The following C1QTNF3 variants were observed in gnomAD, a reference collection of about 807,000 sequenced individuals.
The protein encoded by C1QTNF3 is complement C1q tumor necrosis factor-related protein 3.
A neutral mutation model predicts 32.6 loss-of-function variants in C1QTNF3; 26 were observed. The ratio of observed to expected loss-of-function variants is 0.80; its 90% CI spans 0.58 to 1.11. The LOEUF is 1.11. Ranked by LOEUF, C1QTNF3 falls within the 50% of genes least tolerant of loss-of-function variation. The pLI is 0.00. For synonymous variants in C1QTNF3, 155 were observed against 146.0 expected (o/e 1.06, Z -0.44); for missense variants, 362 against 398.2 (o/e 0.91, Z 0.77).
upstream of C1QTNF3, among the ~76,000 whole-genome samples, chr5:34,047,485 T>C (rs1460157327): frequency 6.6e-6 from 1 of 152,174 alleles, no homozygotes; most frequent in Non-Finnish European, 1.5e-5. Flanking sequence ...CAAGGGACAG[T>C]CAAGAACTGT....
chr5:34,141,939 G>C, the C1QTNF3 span, among the ~76,000 whole-genome samples: 2 of 152,058 alleles, frequency 1.3e-5, no homozygotes, highest in Admixed American at 1.3e-4. Context: ...TCAGCATGCA[G>C]CTTGGGAGTG....
the C1QTNF3 span, among the ~76,000 whole-genome samples, chr5:34,172,711 G>A: frequency 1.3e-5 from 2 of 152,168 alleles, no homozygotes; most frequent in Non-Finnish European, 2.9e-5. Flanking sequence ...TGAAGTGAAT[G>A]ATATCATGTA....
intron 5 of C1QTNF3, among the ~76,000 whole-genome samples, chr5:34,021,665 C>A (rs574549209): frequency 6.6e-6 from 1 of 152,272 alleles, no homozygotes; most frequent in South Asian, 2.1e-4. Context: ...AACACAGGAA[C>A]AGAAAACCAA....
the C1QTNF3 span, among the ~76,000 whole-genome samples, chr5:34,078,874 C>G: frequency 6.6e-6 from 1 of 151,560 alleles, no homozygotes; most frequent in Non-Finnish European, 1.5e-5. The surrounding 1 kb of genome is among the most constrained non-coding windows in gnomAD (Gnocchi z 4.0). Flanking sequence ...CTAACTTCCT[C>G]CCTTTCTGCC....
the C1QTNF3 span, among the ~76,000 whole-genome samples, chr5:34,119,058 A>C: frequency 6.6e-6 from 1 of 152,242 alleles, no homozygotes; most frequent in Non-Finnish European, 1.5e-5. Flanking sequence ...AACACAGCAG[A>C]AAAAGTGTGT....
chr5:34,052,311 A>C, the C1QTNF3 span, among the ~76,000 whole-genome samples: 1 of 152,184 alleles, frequency 6.6e-6, no homozygotes, highest in Non-Finnish European at 1.5e-5. Flanking sequence ...TCTTTGCAGT[A>C]CTTTCCAAAT....
the C1QTNF3 span, among the ~76,000 whole-genome samples, chr5:34,130,718 A>G: frequency 6.6e-6 from 1 of 152,262 alleles, no homozygotes; most frequent in South Asian, 2.1e-4. Context: ...CTGTGGGCCA[A>G]TGGGAAGCTT....
chr5:34,202,421 TC>T, the C1QTNF3 span, among the ~76,000 whole-genome samples: 6 of 152,166 alleles, frequency 3.9e-5, no homozygotes, highest in Admixed American at 6.5e-5. Flanking sequence ...TGTCGAATTT[TC>T]CCACCTATTG....
At chr5:34,172,209 T>C in the C1QTNF3 span, among the ~76,000 whole-genome samples, 1 of 152,144 alleles carries the variant, frequency 6.6e-6, no homozygotes, top group South Asian at 2.1e-4. Context: ...TTTTTTTCTA[T>C]ACATACATAG....
rs188856454 is a variant in C1QTNF3, at chr5:34,040,197, C to T, written c.303+2626G>A. ...TATTTATGACCTCCTTGTTTATCATCCCCTTTCCCAAAAGCAGGACAAATT... is the reference window on the plus strand; with the variant it reads ...TATTTATGACCTCCTTGTTTATCATTCCCTTTCCCAAAAGCAGGACAAATT... On this transcript the variant is annotated intron_variant, in intron 1 of 5. Transcript: ENST00000382065. 5.3e-5 allele frequency among the ~76,000 whole-genome samples: 8 copies of T among 152,256 alleles called. No homozygotes were observed. In the East Asian group the frequency reaches 1.5e-3, roughly 29 times the overall value.
At chr5:34,186,488 CTTTTTT>C in the C1QTNF3 span, among the ~76,000 whole-genome samples, 15 of 139,322 alleles carry the variant, frequency 1.1e-4, no homozygotes, top group African/African-American at 8.0e-5. Flanking sequence ...TTCTTTCCTC[CTTTTTT>C]TTTTTTTTTT....
chr5:34,201,823 G>C, the C1QTNF3 span, among the ~76,000 whole-genome samples: 6 of 152,312 alleles, frequency 3.9e-5, no homozygotes, highest in African/African-American at 1.4e-4. Flanking sequence ...ACAATAGGAA[G>C]AGCTAAAATA....
the C1QTNF3 span, among the ~76,000 whole-genome samples, chr5:34,197,832 C>T: frequency 6.6e-6 from 1 of 152,170 alleles, no homozygotes; most frequent in East Asian, 1.9e-4. Context: ...AATCAAGGTG[C>T]TTGAGGATTT....
At chr5:34,231,828 G>C in the C1QTNF3 span, among the ~76,000 whole-genome samples, 1 of 146,754 alleles carries the variant, frequency 6.8e-6, no homozygotes, top group African/African-American at 2.5e-5. Context: ...TGTGGGGTTG[G>C]AGCCCCCACA....
the C1QTNF3 span, among the ~76,000 whole-genome samples, chr5:34,140,726 A>T: frequency 6.6e-6 from 1 of 152,272 alleles, no homozygotes; most frequent in East Asian, 1.9e-4. Flanking sequence ...GCAGGGTATC[A>T]GCGAATGTGC....
chr5:34,131,463 A>C, the C1QTNF3 span, among the ~76,000 whole-genome samples: 2 of 151,960 alleles, frequency 1.3e-5, no homozygotes, highest in African/African-American at 2.4e-5. Flanking sequence ...TTTCTAATAG[A>C]AACTATAAGA....
At chr5:34,074,275 G>A in the C1QTNF3 span, among the ~76,000 whole-genome samples, 2 of 151,722 alleles carry the variant, frequency 1.3e-5, no homozygotes, top group South Asian at 4.1e-4. Context: ...AGGTCTTGTC[G>A]TTATGCTGAA....
At chr5:34,070,200 A>C in the C1QTNF3 span, among the ~76,000 whole-genome samples, 1 of 152,058 alleles carries the variant, frequency 6.6e-6, no homozygotes, top group Non-Finnish European at 1.5e-5. Flanking sequence ...TTCTTCTTCT[A>C]TCTCGTTGGA....
chr5:34,094,524 T>G, the C1QTNF3 span, among the ~76,000 whole-genome samples: 1 of 150,220 alleles, frequency 6.7e-6, no homozygotes, highest in African/African-American at 2.4e-5. Context: ...ATTTTCTACT[T>G]GCATTTGGGA....
Sources: allele counts gnomAD v4.1 joint callset (sites outside exome capture counted in the v4.1 genomes callset), GRCh38; gene constraint gnomAD v4.1.1; non-coding constraint Gnocchi (gnomAD v3.1); transcripts MANE v1.5; gene names NCBI Gene and HGNC (gene_info 2026-07-23, HGNC 2026-07-21).